Variants in USH2A observed in about 807,000 individuals in gnomAD.
The protein encoded by USH2A is Usher syndrome 2A (autosomal recessive, mild).
Under a neutral mutation model 538.9 loss-of-function variants are expected in USH2A, and 443 were observed. The ratio of observed to expected loss-of-function variants is 0.82; its 90% CI spans 0.76 to 0.89. USH2A has a LOEUF of 0.89. Ranked by LOEUF, USH2A falls within the 40% of genes least tolerant of loss-of-function variation. USH2A has a pLI of 0.00. For missense variants in USH2A, 6,633 were observed against 6,324.8 expected (o/e 1.05, Z -1.65); for synonymous variants, 2,413 against 2,273.5 (o/e 1.06, Z -1.75).
chr1:216,299,078 G>A (rs1333581527), intron 9 of USH2A, among the ~76,000 whole-genome samples: 2 of 151,908 alleles, frequency 1.3e-5, no homozygotes, highest in Non-Finnish European at 1.5e-5. Context: ...TCCTGACCTC[G>A]TGATCCACCC....
At chr1:216,358,408 T>G (rs1571737355) in intron 4 of USH2A, among the ~76,000 whole-genome samples, 2 of 152,172 alleles carry the variant, frequency 1.3e-5, no homozygotes, top group African/African-American at 4.8e-5. Flanking sequence ...GCTTGCACAA[T>G]TACCTCTTTT....
chr1:215,819,276 T>G (rs1662942639), intron 47 of USH2A, among the ~76,000 whole-genome samples: 1 of 151,790 alleles, frequency 6.6e-6, no homozygotes. Flanking sequence ...GTAAAATATG[T>G]CTTTGCAGGC....
rs533798354 is a variant in USH2A at position 215,753,220 on chromosome 1, A to C, written c.11389+5375T>G. Among the ~76,000 whole-genome samples, 3 of 152,246 alleles carry C rather than the reference A, an allele frequency of 2.0e-5. No homozygotes were observed. The South Asian group carries it at 6.2e-4, about 32-fold the overall frequency. ...ACTTTTACACTGTTGGTGGGACTGT[A>C]AACTAGTTCAACCATTGTGGAAGTC... is the stretch of plus-strand genomic sequence containing the variant. On this transcript the variant is annotated intron_variant, in intron 58 of 71. Transcript: ENST00000307340.
At chr1:216,217,046 T>G (rs2035355857) in intron 15 of USH2A, among the ~76,000 whole-genome samples, 1 of 152,064 alleles carries the variant, frequency 6.6e-6, no homozygotes, top group South Asian at 2.1e-4. Context: ...ACTGTTTTGG[T>G]TTAACCAATA....
At chr1:216,234,882 A>C (rs527534770) in intron 13 of USH2A, among the ~76,000 whole-genome samples, 2 of 152,098 alleles carry the variant, frequency 1.3e-5, no homozygotes, top group Non-Finnish European at 2.9e-5. Context: ...GAGAAGAACT[A>C]AAAAGATGCT....
intron 44 of USH2A, among the ~76,000 whole-genome samples, chr1:215,849,799 C>A (rs538396007): frequency 6.6e-6 from 1 of 152,078 alleles, no homozygotes; most frequent in Non-Finnish European, 1.5e-5. Flanking sequence ...GACAATGGAA[C>A]AATTTCAACA....
chr1:215,672,361 C>A (rs539180422), intron 63 of USH2A, among the ~76,000 whole-genome samples: 1 of 152,034 alleles, frequency 6.6e-6, no homozygotes, highest in African/African-American at 2.4e-5. Context: ...TCTCTTCCAC[C>A]TTTTTGCTTT....
chr1:216,285,351 A>C (rs989436960), intron 11 of USH2A, among the ~76,000 whole-genome samples: 2 of 152,250 alleles, frequency 1.3e-5, no homozygotes, highest in Non-Finnish European at 2.9e-5. Flanking sequence ...GGCAGCTCCA[A>C]GCCTTGGCAG....
At chr1:216,398,985 G>A (rs1012279718) in intron 3 of USH2A, among the ~76,000 whole-genome samples, 1 of 152,162 alleles carries the variant, frequency 6.6e-6, no homozygotes, top group African/African-American at 2.4e-5. Flanking sequence ...TCCCCTGTCT[G>A]AAAGGAGTCA....
intron 13 of USH2A, among the ~76,000 whole-genome samples, chr1:216,243,328 C>T (rs373608618): frequency 6.6e-6 from 1 of 152,258 alleles, no homozygotes; most frequent in East Asian, 1.9e-4. Context: ...GTACAAAACT[C>T]ATGGTCATTA....
In USH2A at chr1:215,674,356, A is replaced by AG; in HGVS notation, c.13554_13555insC (p.Ser4520GlufsTer42). The stretch of plus-strand genomic sequence containing the variant: ...GTTCGATCTTTGACAAGAGGACTCA[A>AG]AATACCCCCTTGGCTGTTGCTGGCA... On this transcript the variant is annotated frameshift_variant, in exon 63 of 72. Coordinates refer to ENST00000307340, the MANE Select transcript of USH2A (RefSeq NM_206933.4). LOFTEE classifies it high-confidence loss of function. 1 of 1,613,972 alleles carries AG rather than the reference A, an allele frequency of 6.2e-7. No individual in the cohort carries two copies. Among genetic ancestry groups the AG allele is most frequent in the Non-Finnish European group, 8.5e-7 (1 of 1,179,902 alleles).
intron 9 of USH2A, among the ~76,000 whole-genome samples, chr1:216,303,198 A>G (rs530753862): frequency 6.6e-6 from 1 of 152,120 alleles, no homozygotes; most frequent in South Asian, 2.1e-4. Flanking sequence ...TTTATTCAAG[A>G]TTGTAGATAG....
chr1:216,230,338 T>A (rs983767340), intron 14 of USH2A, among the ~76,000 whole-genome samples: 5 of 152,306 alleles, frequency 3.3e-5, no homozygotes, highest in African/African-American at 1.2e-4. Context: ...ATTTACTATT[T>A]ACTGTACCAT....
At position 215,836,565 on chromosome 1, in the gene USH2A, A is replaced by ATATTTT. The variant is rs1553267793; in HGVS notation, c.9371+1425_9371+1426insAAAATA. On this transcript the variant is annotated intron_variant, in intron 47 of 71. Transcript: ENST00000307340. ...ATAATATATATATATATATATATAT[A>ATATTTT]TTTTTTTTTGAGACAGAGTATCACT... 9.1e-5 allele frequency among the ~76,000 whole-genome samples: 3 copies of ATATTTT among 32,880 alleles called. 1 individual carries two copies. The South Asian group carries it at 3.1e-3, about 34-fold the overall frequency. The allele number at this position is 32,880 out of a possible 152,430, so 21.6% of individuals were successfully genotyped here. A position where few individuals can be genotyped will look rare whatever the true frequency, so the allele number is the denominator to read the frequency against.
At chr1:215,929,593 A>C (rs1666314618) in intron 38 of USH2A, among the ~76,000 whole-genome samples, 1 of 152,060 alleles carries the variant, frequency 6.6e-6, no homozygotes, top group Non-Finnish European at 1.5e-5. Flanking sequence ...GGTCCCCAAA[A>C]AGAGTCTTAG....
At chr1:216,101,524 TC>T (rs2032577400) in intron 21 of USH2A, among the ~76,000 whole-genome samples, 1 of 152,138 alleles carries the variant, frequency 6.6e-6, no homozygotes, top group African/African-American at 2.4e-5. Context: ...GAACTTGTCT[TC>T]CCCTCTGCCT....
chr1:216,132,195 C>G (rs1558275073), intron 21 of USH2A, among the ~76,000 whole-genome samples: 1 of 152,068 alleles, frequency 6.6e-6, no homozygotes, highest in Non-Finnish European at 1.5e-5. Flanking sequence ...TCTTTCTAAT[C>G]TCTTGACCTG....
chr1:215,961,376 G>A (rs973385717), intron 37 of USH2A, among the ~76,000 whole-genome samples: 1 of 151,506 alleles, frequency 6.6e-6, no homozygotes, highest in East Asian at 1.9e-4. Flanking sequence ...GAGCTCTTGC[G>A]AGAGACACAA....
At chr1:215,646,982 A>C (rs986047874) in intron 67 of USH2A, among the ~76,000 whole-genome samples, 3 of 152,182 alleles carry the variant, frequency 2.0e-5, no homozygotes, top group African/African-American at 7.2e-5. Flanking sequence ...ACATTCTATG[A>C]TATTTTCACG....
Sources: gnomAD v4.1 joint callset for allele counts (sites outside exome capture counted in the v4.1 genomes callset) on GRCh38, gnomAD v4.1.1 for gene constraint, MANE v1.5 for transcripts, NCBI Gene and HGNC (gene_info 2026-07-23, HGNC 2026-07-21) for gene names.